Variants in AKAP3 observed in about 807,000 individuals in gnomAD.
The protein encoded by AKAP3 is A-kinase anchor protein 3.
AKAP3 carries 27 observed loss-of-function variants against 57.2 expected under a neutral mutation model. The observed-to-expected ratio is 0.47, with a 90% CI of 0.35 to 0.65. AKAP3 has a LOEUF of 0.65. Ranked by LOEUF, AKAP3 falls within the 30% of genes least tolerant of loss-of-function variation. The pLI is 0.01. For synonymous variants in AKAP3, 334 were observed against 392.3 expected, an observed-to-expected ratio of 0.85 and a Z score of 1.76; for missense variants, 959 against 1,040.0, an observed-to-expected ratio of 0.92 and a Z score of 1.07.
intron 5 of AKAP3, among the ~76,000 whole-genome samples, chr12:4,623,354 A>G (rs1945367948): frequency 6.6e-6 from 1 of 152,212 alleles, no homozygotes; most frequent in South Asian, 2.1e-4. Flanking sequence ...CATGGAGATA[A>G]CCTAAGTGCC....
Position 4,625,738 on chromosome 12 carries a change from G to A in AKAP3, c.2406+758C>T, listed in dbSNP as rs1945404459. Among the ~76,000 whole-genome samples, 1 of 151,898 alleles carries A rather than the reference G, an allele frequency of 6.6e-6. No individual in the cohort carries two copies. Among genetic ancestry groups the A allele is most frequent in the Non-Finnish European group, 1.5e-5 (1 of 67,994 alleles). ...GAGAGCAAGCGAGCGAGAAGGCAGA[G>A]AGGAGAGAGAAGAGAAGGTTGTAGG... On this transcript the variant is annotated intron_variant, in intron 5 of 5. Coordinates refer to ENST00000228850, the MANE Select transcript of AKAP3 (RefSeq NM_001278309.2). This position sits in a 1 kb window ranked among gnomAD's most constrained non-coding sequence, Gnocchi z 5.4.
chr12:4,630,776 G>A (rs1011000498), intron 4 of AKAP3, among the ~76,000 whole-genome samples: 1 of 152,116 alleles, frequency 6.6e-6, no homozygotes, highest in African/African-American at 2.4e-5. Context: ...GGGGAGGGTC[G>A]ACTGACTGCC....
At position 4,626,983 on chromosome 12, in the gene AKAP3, A is replaced by G. The variant is rs1313217862; in HGVS notation, c.1919T>C (p.Leu640Pro). The change falls in exon 5 of 6, where the codon CTA (leucine) becomes CCA (proline). Residue 640 changes from leucine to proline, a missense_variant. Transcript: ENST00000228850. ...ACCAGGGGTCTCATCATCCTCATAT[A>G]GCCTGGGGGGAGAAGACGCCAACGG... ...ERPLASSPPR[L>P]YEDDETPGAL... The G allele has an allele frequency of 4.3e-6, 7 of 1,614,142 alleles. No individual in the cohort carries two copies. The highest frequency in any genetic ancestry group is 1.3e-5 in the African/African-American group (1 of 75,036).
At chr12:4,638,604 T>C (rs1945595500) in intron 3 of AKAP3, among the ~76,000 whole-genome samples, 1 of 152,238 alleles carries the variant, frequency 6.6e-6, no homozygotes, top group South Asian at 2.1e-4. Flanking sequence ...CCTTTGTCTG[T>C]TCTTGCCCCA....
At position 4,630,016 on chromosome 12, in the gene AKAP3, A is replaced by G. The variant is rs150102486; in HGVS notation, c.97-1211T>C. On this transcript the variant is annotated intron_variant, in intron 4 of 5. Transcript: ENST00000228850. ...AATTGTACAATCTGCATGTGGGAAA[A>G]ACTCTGAAACACAGGATAAAATAAC... Among the ~76,000 whole-genome samples, 13 of 152,332 alleles carry G rather than the reference A, an allele frequency of 8.5e-5. No homozygotes were observed. The East Asian group carries it at 2.5e-3, about 29-fold the overall frequency.
At chr12:4,629,913 A>T (rs1299722833) in intron 4 of AKAP3, among the ~76,000 whole-genome samples, 1 of 152,188 alleles carries the variant, frequency 6.6e-6, no homozygotes, top group Non-Finnish European at 1.5e-5. Context: ...TTCAGGAGTT[A>T]ATATGTATTG....
At chr12:4,641,403 A>C (rs1221044471) in intron 3 of AKAP3, among the ~76,000 whole-genome samples, 1 of 152,124 alleles carries the variant, frequency 6.6e-6, no homozygotes, top group South Asian at 2.1e-4. Flanking sequence ...TAGTAGGGAC[A>C]GGGTTTCACC....
intron 5 of AKAP3, among the ~76,000 whole-genome samples, chr12:4,618,226 CAA>C (rs1029373968): frequency 6.6e-6 from 1 of 152,022 alleles, no homozygotes; most frequent in Non-Finnish European, 1.5e-5. Context: ...TGCTGCCTAC[CAA>C]AAACCTCACT....
Position 4,625,866 on chromosome 12 carries a change from C to G in AKAP3, c.2406+630G>C, listed in dbSNP as rs1005009143. Among the ~76,000 whole-genome samples, 1 of 152,140 alleles carries G rather than the reference C, an allele frequency of 6.6e-6. No homozygotes were observed. On this transcript the variant is annotated intron_variant, in intron 5 of 5. Coordinates refer to ENST00000228850, the MANE Select transcript of AKAP3 (RefSeq NM_001278309.2). This position sits in a 1 kb window ranked among gnomAD's most constrained non-coding sequence, Gnocchi z 5.4. ...CTTTGGCGCGCAGTTCTGATGCTTA[C>G]TGGGCACCTTGGGTGGAGGACAAGA...
chr12:4,626,881 A>T lies in AKAP3; in HGVS notation c.2021T>A (p.Met674Lys). 6.2e-7 allele frequency: 1 copy of T among 1,614,194 alleles called. No homozygotes were observed. Among genetic ancestry groups the T allele is most frequent in the Non-Finnish European group, 8.5e-7 (1 of 1,180,040 alleles). The change falls in exon 5 of 6, where the codon ATG becomes AAG. Residue 674 changes from methionine (M) to lysine (K), a missense_variant. By Grantham distance (95) the Met-to-Lys change is moderately conservative. Coordinates refer to ENST00000228850, the MANE Select transcript of AKAP3 (RefSeq NM_001278309.2). ...GACACACAGCTTCATCACTGAGTTC[A>T]TCAGATGTTCTACCATCTGCCCACT... ...HMSGQMVEHLMNSVMKLCVII... is the reference protein window; with the variant it reads ...HMSGQMVEHLKNSVMKLCVII...
Position 4,626,805 on chromosome 12 carries a change from C to G in AKAP3, c.2097G>C (p.Lys699Asn), listed in dbSNP as rs1344051800. The G allele has an allele frequency of 6.2e-7, 1 of 1,611,360 alleles. No individual in the cohort carries two copies. Among genetic ancestry groups the G allele is most frequent in the Non-Finnish European group, 8.5e-7 (1 of 1,179,694 alleles). Residue 699 changes from lysine to asparagine, a missense_variant, in exon 5 of 6, where the codon AAG (lysine) becomes AAC (asparagine). By Grantham distance (94) the Lys-to-Asn change is moderately conservative. Transcript: ENST00000228850. The stretch of plus-strand genomic sequence containing the variant: ...AAGTTAGCCTACTGGCATCTCCAGA[C>G]TTGTCATCTCCCAGCTCTGCCAACG... ...DASLAELGDD[K>N]SGDASRLTSA...
rs1945684184 is a variant in AKAP3, at chr12:4,645,186, G to C, written c.-238C>G. 2 of 152,212 alleles carry C rather than the reference G, an allele frequency of 1.3e-5. No individual in the cohort carries two copies. Among genetic ancestry groups the C allele is most frequent in the South Asian group, 4.1e-4 (2 of 4,830 alleles). The allele number at this position is 152,212 out of a possible 1,614,324, so 9.4% of individuals were successfully genotyped here. On this transcript the variant is annotated 5_prime_UTR_variant, in exon 2 of 6. Transcript: ENST00000228850. ...GTGGCCTTCCATGTACCTCCCCCTT[G>C]CTGGGACTGGAGAGTGACATCAGAA... is the stretch of plus-strand genomic sequence containing the variant.
chr12:4,641,727 TGA>T (rs1945640209), intron 3 of AKAP3, among the ~76,000 whole-genome samples, 170 bp downstream of exon 3: 1 of 152,208 alleles, frequency 6.6e-6, no homozygotes, highest in Non-Finnish European at 1.5e-5. Flanking sequence ...ATAGTACAAG[TGA>T]GAGCCAGAAA....
At chr12:4,636,705 T>C (rs1945570103) in intron 4 of AKAP3, among the ~76,000 whole-genome samples, 1 of 152,230 alleles carries the variant, frequency 6.6e-6, no homozygotes. Flanking sequence ...TAGAAGAAGA[T>C]GGGTCATTTG....
chr12:4,637,816 GACATAT>G (rs1279448326), intron 4 of AKAP3, among the ~76,000 whole-genome samples: 1 of 151,980 alleles, frequency 6.6e-6, no homozygotes, highest in African/African-American at 2.4e-5. Context: ...ATATACAGCT[GACATAT>G]ACATATATAT....
rs764779667 is a variant in AKAP3, at chr12:4,628,227, T to C, written c.675A>G (p.Lys225=). 1.2e-6 allele frequency: 2 copies of C among 1,614,134 alleles called. No individual in the cohort carries two copies. Among genetic ancestry groups the C allele is most frequent in the Non-Finnish European group, 1.7e-6 (2 of 1,179,990 alleles). ...GCTTGTCATCTGGACCCTGTCTTTC[T>C]TTGGTGCTCTCCTTGATCTTCAAAG... The part of the protein sequence containing the change: ...KSTLKIKEST[K]ERQGPDDKPP... The change falls in exon 5 of 6, where the codon AAA becomes AAG. Residue 225 remains lysine, a synonymous_variant. Transcript: ENST00000228850.
chr12:4,616,333 A>T (rs1945284880), intron 5 of AKAP3, among the ~76,000 whole-genome samples: 1 of 152,246 alleles, frequency 6.6e-6, no homozygotes, highest in Non-Finnish European at 1.5e-5. Context: ...GATTTGTCAG[A>T]ATTAACTGCT....
intron 2 of AKAP3, among the ~76,000 whole-genome samples, chr12:4,642,688 T>C (rs569774074): frequency 1.3e-5 from 2 of 152,346 alleles, no homozygotes; most frequent in African/African-American, 4.8e-5. Context: ...ATATTTTGTT[T>C]CAATGTGTAC....
intron 3 of AKAP3, among the ~76,000 whole-genome samples, chr12:4,638,616 C>A (rs985678007): frequency 6.6e-6 from 1 of 152,160 alleles, no homozygotes; most frequent in Admixed American, 6.5e-5. Context: ...CTTGCCCCAC[C>A]AACTTAGCTT....
Sources: gnomAD v4.1 joint callset for allele counts (sites outside exome capture counted in the v4.1 genomes callset) on GRCh38, gnomAD v4.1.1 for gene constraint, Gnocchi (gnomAD v3.1) non-coding constraint, MANE v1.5 for transcripts, NCBI Gene and HGNC (gene_info 2026-07-23, HGNC 2026-07-21) for gene names.